The following JPH3 variants were observed in gnomAD, a reference collection of about 807,000 sequenced individuals.
The protein encoded by JPH3 is junctophilin-3.
Under a neutral mutation model 59.6 loss-of-function variants are expected in JPH3, and 11 were observed. The observed-to-expected ratio is 0.18, with a 90% CI of 0.12 to 0.31. The LOEUF (loss-of-function observed/expected upper bound fraction) is 0.31, where lower values mean the gene tolerates loss of function less well. Ranked by LOEUF, JPH3 falls within the 10% of genes least tolerant of loss-of-function variation. JPH3 has a pLI of 1.00. For missense variants in JPH3, 1,202 were observed against 1,105.7 expected (o/e 1.09, Z -1.24); for synonymous variants, 673 against 483.6 (o/e 1.39, Z -5.14).
At chr16:87,616,520 G>A (rs1003669029) in intron 1 of JPH3, among the ~76,000 whole-genome samples, 3 of 151,848 alleles carry the variant, frequency 2.0e-5, no homozygotes, top group Admixed American at 2.0e-4. Flanking sequence ...AAAGTGCTGG[G>A]ATTACAGGTG....
intron 1 of JPH3, among the ~76,000 whole-genome samples, chr16:87,634,634 G>A (rs1246293364): frequency 6.6e-6 from 1 of 152,230 alleles, no homozygotes; most frequent in Non-Finnish European, 1.5e-5. Context: ...ATTGGGATTT[G>A]GTAAGCTGTG....
At chr16:87,649,840 G>A (rs1039443598) in intron 2 of JPH3, among the ~76,000 whole-genome samples, 5 of 152,226 alleles carry the variant, frequency 3.3e-5, no homozygotes, top group Admixed American at 6.5e-5. Flanking sequence ...AGGGAGAGAC[G>A]GGGTGGCCCA....
chr16:87,679,989 G>A (rs1039716320), intron 2 of JPH3, among the ~76,000 whole-genome samples: 5 of 152,194 alleles, frequency 3.3e-5, no homozygotes, highest in African/African-American at 1.2e-4. Context: ...GGGGCCTGTG[G>A]ACCCCGCCTC....
At position 87,602,536 on chromosome 16, in the gene JPH3, G is replaced by GCCGCCGCCGCCA. The variant is rs1283912589; in HGVS notation, c.-599_-588dup. On this transcript the variant is annotated 5_prime_UTR_variant, in exon 1 of 5. Coordinates refer to ENST00000284262, the MANE Select transcript of JPH3 (RefSeq NM_020655.4). ...CGCGCGAGCCGGGCCCGGAGCGCACGCCGCCGCCGCCACCGCCGCCGCCGC... is the reference window on the plus strand; with the variant it reads ...CGCGCGAGCCGGGCCCGGAGCGCACGCCGCCGCCGCCACCGCCGCCGCCACCGCCGCCGCCGC... 1.3e-3 allele frequency among the ~76,000 whole-genome samples: 175 copies of GCCGCCGCCGCCA among 139,080 alleles called. No homozygotes were observed. The highest frequency in any genetic ancestry group is 4.3e-3 in the African/African-American group (166 of 38,738). The allele number at this position is 139,080 out of a possible 152,430, so 91.2% of individuals were successfully genotyped here.
intron 4 of JPH3, among the ~76,000 whole-genome samples, chr16:87,693,373 T>C (rs1336761981): frequency 6.6e-6 from 1 of 152,232 alleles, no homozygotes; most frequent in Non-Finnish European, 1.5e-5. Context: ...GAGCAAACTT[T>C]TTCTTTAAAA....
intron 2 of JPH3, among the ~76,000 whole-genome samples, chr16:87,680,059 G>A (rs2033247606): frequency 6.6e-6 from 1 of 152,250 alleles, no homozygotes; most frequent in South Asian, 2.1e-4. Flanking sequence ...ACCCAGCCCA[G>A]GGTGTGGTCT....
At chr16:87,667,663 C>T (rs1349067848) in intron 2 of JPH3, among the ~76,000 whole-genome samples, 2 of 152,186 alleles carry the variant, frequency 1.3e-5, no homozygotes, top group African/African-American at 4.8e-5. Context: ...CCTCTCTGGG[C>T]CTTGAAGATG....
chr16:87,672,011 C>G (rs890563447), intron 2 of JPH3, among the ~76,000 whole-genome samples: 11 of 152,282 alleles, frequency 7.2e-5, no homozygotes, highest in African/African-American at 2.6e-4. Flanking sequence ...GTGCTGCGTT[C>G]AGTCCCAGGC....
At chr16:87,695,390 G>A (rs1286622572) in intron 4 of JPH3, 2 of 456,038 alleles carry the variant, frequency 4.4e-6, no homozygotes, top group Admixed American at 4.7e-5. Context: ...GGGACCTTCA[G>A]GACAAGCCCT....
At chr16:87,649,164 G>C (rs933921329) in intron 2 of JPH3, among the ~76,000 whole-genome samples, 2 of 152,192 alleles carry the variant, frequency 1.3e-5, no homozygotes, top group Non-Finnish European at 2.9e-5. Flanking sequence ...GCGGAGCTGA[G>C]GTCATGTGAG....
intron 1 of JPH3, among the ~76,000 whole-genome samples, chr16:87,624,118 A>G (rs1453855521): frequency 3.3e-5 from 5 of 152,224 alleles, no homozygotes; most frequent in Non-Finnish European, 7.3e-5. Flanking sequence ...TGATTGCAGA[A>G]AAAGGGCTCC....
intron 2 of JPH3, among the ~76,000 whole-genome samples, chr16:87,657,688 C>A (rs780180343): frequency 1.3e-5 from 2 of 152,196 alleles, no homozygotes; most frequent in African/African-American, 4.8e-5. Flanking sequence ...TTGAGCCAGT[C>A]CATCTCTGGG....
At chr16:87,656,482 G>T (rs2150855220) in intron 2 of JPH3, among the ~76,000 whole-genome samples, 1 of 152,352 alleles carries the variant, frequency 6.6e-6, no homozygotes, top group Admixed American at 6.5e-5. Flanking sequence ...TGCAACGACG[G>T]GATCAGATTA....
intron 3 of JPH3, among the ~76,000 whole-genome samples, chr16:87,685,314 A>G (rs984808691): frequency 2.0e-5 from 3 of 152,226 alleles, no homozygotes; most frequent in African/African-American, 7.2e-5. Flanking sequence ...CGCCTTGGGC[A>G]GCTTCTATTC....
intron 1 of JPH3, among the ~76,000 whole-genome samples, chr16:87,616,191 TGTGTGTG>T (rs1463762465): frequency 3.8e-5 from 1 of 26,010 alleles, no homozygotes; most frequent in South Asian, 1.8e-3. Flanking sequence ...AATCTGGTTT[TGTGTGTG>T]TGTGTGTGTG....
At chr16:87,672,954 G>C (rs991685293) in intron 2 of JPH3, among the ~76,000 whole-genome samples, 3 of 152,188 alleles carry the variant, frequency 2.0e-5, no homozygotes, top group African/African-American at 7.2e-5. Flanking sequence ...AGACCAGCTT[G>C]GCCAACATGG....
chr16:87,614,759 C>T (rs2030886033), intron 1 of JPH3, among the ~76,000 whole-genome samples: 1 of 142,146 alleles, frequency 7.0e-6, no homozygotes, highest in Admixed American at 7.1e-5. Flanking sequence ...GGGATAAACG[C>T]TGGTCCCTGC....
intron 2 of JPH3, among the ~76,000 whole-genome samples, chr16:87,672,937 G>A (rs965063504): frequency 2.6e-5 from 4 of 152,162 alleles, no homozygotes; most frequent in African/African-American, 9.7e-5. Flanking sequence ...CTAAGGTCAG[G>A]AGTTCAAGAC....
chr16:87,684,080 A>T, intron 2 of JPH3, 62 bp from the exon 3 acceptor site: 1 of 1,334,016 alleles, frequency 7.5e-7, no homozygotes, highest in Non-Finnish European at 1.1e-6. Flanking sequence ...AGAGTACCTC[A>T]ACCCAGACCC....
Sources: allele counts gnomAD v4.1 joint callset (sites outside exome capture counted in the v4.1 genomes callset), GRCh38; gene constraint gnomAD v4.1.1; transcripts MANE v1.5; gene names NCBI Gene and HGNC (gene_info 2026-07-23, HGNC 2026-07-21).